The following DISC1 variants were observed in gnomAD, a reference collection of about 807,000 sequenced individuals.
The protein encoded by DISC1 is disrupted in schizophrenia 1 protein.
Under a neutral mutation model 84.5 loss-of-function variants are expected in DISC1, and 57 were observed. That is an observed-to-expected ratio of 0.67 (90% confidence interval 0.55 to 0.84). The LOEUF (loss-of-function observed/expected upper bound fraction) is 0.84, where lower values mean the gene tolerates loss of function less well. Among genes scored for constraint, DISC1 ranks in the 40% least tolerant of loss-of-function variants. DISC1 has a pLI of 0.00. For missense variants in DISC1, 1,000 were observed against 1,057.8 expected (o/e 0.95, Z 0.76); for synonymous variants, 411 against 415.2 (o/e 0.99, Z 0.12).
At chr1:231,774,341 A>G (rs146418119) in intron 6 of DISC1, among the ~76,000 whole-genome samples, 1 of 152,316 alleles carries the variant, frequency 6.6e-6, no homozygotes, top group African/African-American at 2.4e-5. Context: ...AAAAACCTGG[A>G]CAATCTAATG....
At chr1:231,722,732 G>A in intron 3 of DISC1, 2 of 1,540,428 alleles carry the variant, frequency 1.3e-6, no homozygotes, top group South Asian at 1.2e-5. Flanking sequence ...GATCAGGGTA[G>A]CATCATATTC....
At chr1:231,627,727 C>G (rs1204661529) in intron 1 of DISC1, among the ~76,000 whole-genome samples, 1 of 152,194 alleles carries the variant, frequency 6.6e-6, no homozygotes, top group East Asian at 1.9e-4. Context: ...TGGGTGAGGA[C>G]AGGGCTGGGT....
At chr1:231,893,652 C>G (rs2087436408) in intron 9 of DISC1, among the ~76,000 whole-genome samples, 1 of 152,032 alleles carries the variant, frequency 6.6e-6, no homozygotes, top group Non-Finnish European at 1.5e-5. Context: ...ATGCTATTCT[C>G]ATGGTAGACT....
rs551289137 is a variant in DISC1 at position 231,789,971 on chromosome 1, AATC to A, written c.1635-5268_1635-5266del. ...AAAATGATTTTTAAAAATCCATAAT[AATC>A]ATTTTTAAAAATCAAAGACATTCTC... On this transcript the variant is annotated intron_variant, in intron 6 of 12. Coordinates refer to ENST00000439617, the MANE Select transcript of DISC1 (RefSeq NM_018662.3). Among the ~76,000 whole-genome samples the A allele has an allele frequency of 8.8e-4, 134 of 152,266 alleles. 1 individual carries two copies. Among genetic ancestry groups the A allele is most frequent in the African/African-American group, 3.1e-3 (130 of 41,558 alleles).
chr1:231,774,589 G>A (rs541579184), intron 6 of DISC1: 4 of 415,608 alleles, frequency 9.6e-6, no homozygotes, highest in Admixed American at 5.3e-5. Flanking sequence ...GGCAGTGTGG[G>A]CTGTGTAGGT....
intron 11 of DISC1, among the ~76,000 whole-genome samples, chr1:232,025,405 C>A (rs934483453): frequency 1.3e-5 from 2 of 151,962 alleles, no homozygotes; most frequent in African/African-American, 4.8e-5. Context: ...TGGTTTCGTG[C>A]AGGAAAGTGA....
chr1:231,904,736 C>A (rs1315770413), intron 9 of DISC1, among the ~76,000 whole-genome samples: 1 of 151,990 alleles, frequency 6.6e-6, no homozygotes, highest in Non-Finnish European at 1.5e-5. Flanking sequence ...AACCAGAGTT[C>A]TTTGGAGCAA....
chr1:231,995,490 C>T (rs1292968134), intron 10 of DISC1, among the ~76,000 whole-genome samples: 1 of 151,992 alleles, frequency 6.6e-6, no homozygotes, highest in East Asian at 1.9e-4. Flanking sequence ...TCCCTCCCCC[C>T]TATCCCCACC....
At chr1:231,987,998 C>G (rs1664686466) in intron 10 of DISC1, among the ~76,000 whole-genome samples, 1 of 152,052 alleles carries the variant, frequency 6.6e-6, no homozygotes, top group African/African-American at 2.4e-5. Flanking sequence ...GCAGCCTGAC[C>G]AATATGGTGA....
chr1:231,790,507 CTTCTTTTCTT>C (rs761216137), intron 6 of DISC1, among the ~76,000 whole-genome samples: 62 of 151,918 alleles, frequency 4.1e-4, no homozygotes, highest in East Asian at 2.7e-3. Flanking sequence ...CTCCGCATCT[CTTCTTTTCTT>C]TTCTTTTCTT....
intron 1 of DISC1, among the ~76,000 whole-genome samples, chr1:231,686,220 G>C (rs763754041): frequency 6.6e-6 from 1 of 152,226 alleles, no homozygotes; most frequent in Non-Finnish European, 1.5e-5. Flanking sequence ...AGCTCCACTA[G>C]GCGGTACCCC....
intron 10 of DISC1, chr1:231,959,181 A>G: frequency 9.4e-7 from 1 of 1,068,010 alleles, no homozygotes; most frequent in Non-Finnish European, 1.1e-6. Context: ...TTCAGAATTC[A>G]TTCCTTAGTC....
rs563387529 is a variant in DISC1, at chr1:231,939,803, C to T, written c.1982-19025C>T. On this transcript the variant is annotated intron_variant, in intron 9 of 12. Coordinates refer to ENST00000439617, the MANE Select transcript of DISC1 (RefSeq NM_018662.3). ...TGTCACCTAGGCTGGAGTGCAGTGG[C>T]GCGATCTCAGCTCACCGCAACCTCC... 6.6e-5 allele frequency among the ~76,000 whole-genome samples: 10 copies of T among 151,876 alleles called. 1 individual carries two copies. In the South Asian group the frequency reaches 2.1e-3, roughly 32 times the overall value.
intron 1 of DISC1, among the ~76,000 whole-genome samples, chr1:231,652,083 G>A (rs2060673597): frequency 6.6e-6 from 1 of 152,184 alleles, no homozygotes; most frequent in Admixed American, 6.5e-5. Flanking sequence ...GGCTCACCCT[G>A]TGTGGGCTGC....
In DISC1 at chr1:232,013,365, G is replaced by A. The variant is rs564935579; in HGVS notation, c.2307+4316G>A. 1.2e-4 allele frequency among the ~76,000 whole-genome samples: 18 copies of A among 152,256 alleles called. No homozygotes were observed. The East Asian group carries it at 3.1e-3, about 26-fold the overall frequency. ...TGTGTGAACACAGCTGCAGTGAACGGAATTAGCAATAAGACACAACGCAAC... is the reference window on the plus strand; with the variant it reads ...TGTGTGAACACAGCTGCAGTGAACGAAATTAGCAATAAGACACAACGCAAC... On this transcript the variant is annotated intron_variant, in intron 11 of 12. Transcript: ENST00000439617.
At chr1:231,908,826 T>C (rs1317757408) in intron 9 of DISC1, among the ~76,000 whole-genome samples, 1 of 152,224 alleles carries the variant, frequency 6.6e-6, no homozygotes, top group Non-Finnish European at 1.5e-5. Context: ...TCCATTTGTT[T>C]GTGTCCTCTT....
At chr1:231,936,018 T>C (rs749857361) in intron 9 of DISC1, among the ~76,000 whole-genome samples, 12 of 152,152 alleles carry the variant, frequency 7.9e-5, no homozygotes, top group Non-Finnish European at 1.5e-4. Context: ...CCATTCCAGG[T>C]TTAGACAGCT....
At chr1:232,010,313 GGGTGGAGGGAA>G (rs1233452034) in intron 11 of DISC1, among the ~76,000 whole-genome samples, 8 of 152,300 alleles carry the variant, frequency 5.3e-5, no homozygotes, top group African/African-American at 7.2e-5. Context: ...GAATATTCTG[GGGTGGAGGGAA>G]GTGCCACCTA....
chr1:231,793,094 G>A (rs1183113031), intron 6 of DISC1, among the ~76,000 whole-genome samples: 1 of 152,204 alleles, frequency 6.6e-6, no homozygotes, highest in Non-Finnish European at 1.5e-5. Flanking sequence ...CTTATACTCA[G>A]AAGTGACAAA....
Sources: allele counts gnomAD v4.1 joint callset (sites outside exome capture counted in the v4.1 genomes callset), GRCh38; gene constraint gnomAD v4.1.1; transcripts MANE v1.5; gene names NCBI Gene and HGNC (gene_info 2026-07-23, HGNC 2026-07-21).